Variants in PCNX3 observed in about 807,000 individuals in gnomAD.
The protein encoded by PCNX3 is pecanex 3.
PCNX3 carries 58 observed loss-of-function variants against 207.2 expected under a neutral mutation model. The ratio of observed to expected loss-of-function variants is 0.28; its 90% CI spans 0.23 to 0.35. The LOEUF is 0.35. PCNX3 is among the 10% of genes least tolerant of loss of function. The pLI is 1.00. For missense variants in PCNX3, 2,410 were observed against 2,774.4 expected (o/e 0.87, Z 2.95); for synonymous variants, 1,337 against 1,183.5 (o/e 1.13, Z -2.66).
Position 65,616,108 on chromosome 11 carries a change from G to C in PCNX3, c.-204G>C. Reference sequence around the variant, plus strand: ...CTGATGCAGCCCCACCCCCGCGTCCGGGCCTTGCACCACTGACTGTCCCGG... The same window carrying C: ...CTGATGCAGCCCCACCCCCGCGTCCCGGCCTTGCACCACTGACTGTCCCGG... On this transcript the variant is annotated 5_prime_UTR_variant, in exon 1 of 35. Transcript: ENST00000355703. 5.6e-6 allele frequency: 2 copies of C among 356,320 alleles called. No individual in the cohort carries two copies. Among genetic ancestry groups the C allele is most frequent in the Non-Finnish European group, 1.0e-5 (2 of 200,754 alleles). 22.1% of individuals were successfully genotyped at this position (356,320 alleles called of 1,614,324 possible). A position where few individuals can be genotyped will look rare whatever the true frequency, so the allele number is the denominator to read the frequency against.
intron 10 of PCNX3, 117 bp from the exon 11 acceptor site, chr11:65,622,128 A>G: frequency 7.0e-7 from 1 of 1,437,966 alleles, no homozygotes; most frequent in Non-Finnish European, 9.2e-7. Context: ...GGTCAACCAG[A>G]CCGGTGTGCT....
rs1218509590 is a variant in PCNX3, at chr11:65,629,626, C to T, written c.4107C>T (p.Gly1369=). 1.9e-6 allele frequency: 3 copies of T among 1,608,944 alleles called. No individual in the cohort carries two copies. Among genetic ancestry groups the T allele is most frequent in the Non-Finnish European group, 2.5e-6 (3 of 1,177,688 alleles). The change falls in exon 26 of 35, where the codon GGC becomes GGT. Residue 1369 remains glycine (G), a synonymous_variant. Coordinates refer to ENST00000355703, the MANE Select transcript of PCNX3 (RefSeq NM_032223.4). ...DLVLGRWGNY[G]PGDCFVLASD... ...TGCTGGGCCGCTGGGGCAACTATGG[C>T]CCTGGTGACTGCTTCGTCCTGGCCT...
rs755066909 is a variant in PCNX3 at position 65,625,525 on chromosome 11, G to T, written c.3135+15G>T. 6.3e-7 allele frequency: 1 copy of T among 1,593,650 alleles called. No individual in the cohort carries two copies. The highest frequency in any genetic ancestry group is 2.2e-5 in the East Asian group (1 of 44,524). On this transcript the variant is annotated intron_variant, in intron 18 of 34. Coordinates refer to ENST00000355703, the MANE Select transcript of PCNX3 (RefSeq NM_032223.4). The surrounding 1 kb of genome is among the most constrained non-coding windows in gnomAD (Gnocchi z 5.6). ...GCCAGTCGGTGGTGAGGGGGCGGGG[G>T]GTGGGGGTCTGTGGGGAGGTGGTGA...
At position 65,625,316 on chromosome 11, in the gene PCNX3, C is replaced by A; in HGVS notation, c.3029+36C>A. On this transcript the variant is annotated intron_variant, in intron 17 of 34. Coordinates refer to ENST00000355703, the MANE Select transcript of PCNX3 (RefSeq NM_032223.4). The surrounding 1 kb of genome is among the most constrained non-coding windows in gnomAD (Gnocchi z 5.6). The stretch of plus-strand genomic sequence containing the variant: ...TCCGGGTCGTGTGTTTGTGTCTGCC[C>A]AGTAGGGGTTTGTGGTCTGTGCATG... 6.3e-7 allele frequency: 1 copy of A among 1,594,900 alleles called. No homozygotes were observed. The highest frequency in any genetic ancestry group is 8.5e-7 in the Non-Finnish European group (1 of 1,170,072).
intron 22 of PCNX3, 23 bp from the exon 23 acceptor site, chr11:65,628,569 TTTC>T (rs765690678): frequency 1.2e-6 from 2 of 1,607,596 alleles, no homozygotes; most frequent in Non-Finnish European, 1.7e-6. Flanking sequence ...GCATGTCTTT[TTTC>T]TTCTCCCTGT....
intron 4 of PCNX3, 35 bp downstream of exon 4, chr11:65,617,544 CTGTGG>C (rs1216813385): frequency 6.2e-7 from 1 of 1,613,812 alleles, no homozygotes; most frequent in Admixed American, 1.7e-5. Context: ...GAGCATAGTG[CTGTGG>C]AACAGGGGCT....
At position 65,620,874 on chromosome 11, in the gene PCNX3, C is replaced by T. The variant is rs1855055806; in HGVS notation, c.2143C>T (p.Pro715Ser). 2.5e-6 allele frequency: 4 copies of T among 1,584,566 alleles called. No individual in the cohort carries two copies. The highest frequency in any genetic ancestry group is 2.6e-6 in the Non-Finnish European group (3 of 1,166,098). ...CTCCAGCTTCCACTCGGCTGATGTC[C>T]CTGAGGCTACAGGCGGCCTGAACCT... Reference protein sequence around the residue: ...HSSSFHSADVPEATGGLNLLQ... With the variant: ...HSSSFHSADVSEATGGLNLLQ... The change falls in exon 10 of 35, where the codon CCT (proline) becomes TCT (serine). Residue 715 changes from proline (P) to serine (S), a missense_variant. Coordinates refer to ENST00000355703, the MANE Select transcript of PCNX3 (RefSeq NM_032223.4).
chr11:65,637,190 A>G lies in PCNX3; in HGVS notation c.*212A>G. ...CCCCAGTCCAGGGCCTGGGCTCCCC[A>G]GATGGAGGCAGTCAGCCTCCCAGCC... On this transcript the variant is annotated 3_prime_UTR_variant, in exon 35 of 35. Coordinates refer to ENST00000355703, the MANE Select transcript of PCNX3 (RefSeq NM_032223.4). The G allele has an allele frequency of 1.7e-6, 1 of 591,064 alleles. No individual in the cohort carries two copies. Among genetic ancestry groups the G allele is most frequent in the Middle Eastern group, 4.7e-4 (1 of 2,142 alleles). The allele number at this position is 591,064 out of a possible 1,614,324, so 36.6% of individuals were successfully genotyped here.
rs1590864023 is a variant in PCNX3, at chr11:65,616,223, G to A, written c.-89G>A. On this transcript the variant is annotated 5_prime_UTR_variant, in exon 1 of 35. Transcript: ENST00000355703. ...TGGCGTGAGCGTGAGGCCGGGCCCC[G>A]GGGCCCTCAGGCGCCAGACGGGGCA... 4 of 1,114,666 alleles carry A rather than the reference G, an allele frequency of 3.6e-6. No individual in the cohort carries two copies. Among genetic ancestry groups the A allele is most frequent in the South Asian group, 1.8e-5 (1 of 54,458 alleles). 69.0% of individuals were successfully genotyped at this position (1,114,666 alleles called of 1,614,324 possible).
chr11:65,618,018 C>T lies in PCNX3; in HGVS notation c.656C>T (p.Pro219Leu), dbSNP rs367780582. The change falls in exon 6 of 35, where the codon CCC (proline) becomes CTC (leucine). Residue 219 changes from proline to leucine, a missense_variant. By Grantham distance (98) the Pro-to-Leu change is moderately conservative (BLOSUM62 -3). This residue lies in a region of PCNX3 where 1,104 missense variants were observed against 970.3 expected (regional missense o/e 1.14). Transcript: ENST00000355703. ...LASTDSSEPS[P>L]LAGDGAPWSG... ...AGTACAGACTCTTCAGAGCCTTCTCCCCTGGCTGGAGATGGAGCGCCCTGG... is the reference window on the plus strand; with the variant it reads ...AGTACAGACTCTTCAGAGCCTTCTCTCCTGGCTGGAGATGGAGCGCCCTGG... The T allele has an allele frequency of 5.6e-6, 9 of 1,609,776 alleles. No individual in the cohort carries two copies. Among genetic ancestry groups the T allele is most frequent in the South Asian group, 2.2e-5 (2 of 90,490 alleles).
intron 11 of PCNX3, among the ~76,000 whole-genome samples, 163 bp from the exon 12 acceptor site, chr11:65,623,328 G>T (rs1024992332): frequency 1.3e-5 from 2 of 152,206 alleles, no homozygotes; most frequent in African/African-American, 2.4e-5. Flanking sequence ...GGTGCTGCCG[G>T]GCCGCGTCGT....
At position 65,618,915 on chromosome 11, in the gene PCNX3, T is replaced by A. The variant is rs759804910; in HGVS notation, c.1553T>A (p.Leu518Gln). The change falls in exon 6 of 35, where the codon CTG becomes CAG. Residue 518 changes from leucine (L) to glutamine (Q), a missense_variant. By Grantham distance (113) the Leu-to-Gln change is moderately radical. Coordinates refer to ENST00000355703, the MANE Select transcript of PCNX3 (RefSeq NM_032223.4). ...GGGGGTGATGTTCTGAGGCCCCCAC[T>A]GGCTGGCTGCAAGGCAGAGCTGGAG... ...GAGGDVLRPP[L>Q]AGCKAELEAQ... The A allele has an allele frequency of 1.2e-6, 2 of 1,608,488 alleles. No individual in the cohort carries two copies. Among genetic ancestry groups the A allele is most frequent in the African/African-American group, 1.3e-5 (1 of 74,832 alleles).
At position 65,618,036 on chromosome 11, in the gene PCNX3, C is replaced by A; in HGVS notation, c.674C>A (p.Ala225Glu). 6.2e-7 allele frequency: 1 copy of A among 1,607,144 alleles called. No homozygotes were observed. Among genetic ancestry groups the A allele is most frequent in the Non-Finnish European group, 8.5e-7 (1 of 1,177,284 alleles). Reference protein sequence around the residue: ...SEPSPLAGDGAPWSGSSMADT... With the variant: ...SEPSPLAGDGEPWSGSSMADT... ...CCTTCTCCCCTGGCTGGAGATGGAG[C>A]GCCCTGGAGTGGGAGCAGCATGGCT... The change falls in exon 6 of 35, where the codon GCG (alanine) becomes GAG (glutamate). Residue 225 changes from alanine to glutamate, a missense_variant. By Grantham distance (107) the Ala-to-Glu change is moderately radical. Around this residue, in one of 8 missense-constraint regions of PCNX3, gnomAD observed 1,104 missense variants for 970.3 expected, o/e 1.14. Coordinates refer to ENST00000355703, the MANE Select transcript of PCNX3 (RefSeq NM_032223.4).
intron 21 of PCNX3, among the ~76,000 whole-genome samples, 154 bp downstream of exon 21, chr11:65,627,202 T>C (rs1855437334): frequency 6.6e-6 from 1 of 152,130 alleles, no homozygotes; most frequent in Non-Finnish European, 1.5e-5. Context: ...CAGGAAGTGG[T>C]TGCTTCTTCA....
chr11:65,616,360 C>T lies in PCNX3; in HGVS notation c.49C>T (p.Leu17Phe). Residue 17 changes from leucine (L) to phenylalanine (F), a missense_variant, in exon 1 of 35, where the codon CTC (leucine) becomes TTC (phenylalanine). By Grantham distance (22) the Leu-to-Phe change is conservative. Around this residue, in one of 8 missense-constraint regions of PCNX3, gnomAD observed 1,104 missense variants for 970.3 expected, o/e 1.14. Coordinates refer to ENST00000355703, the MANE Select transcript of PCNX3 (RefSeq NM_032223.4). ...QILRQGVWAS[L>F]TGGWFFDPHQ... is the part of the protein sequence containing the mutation. Reference sequence around the variant, plus strand: ...CCTGCGCCAGGGGGTGTGGGCCTCGCTCACCGGCGGTTGGTTCTTCGACCC... The same window carrying T: ...CCTGCGCCAGGGGGTGTGGGCCTCGTTCACCGGCGGTTGGTTCTTCGACCC... 1.2e-6 allele frequency: 2 copies of T among 1,609,074 alleles called. No homozygotes were observed. Among genetic ancestry groups the T allele is most frequent in the Non-Finnish European group, 1.7e-6 (2 of 1,179,162 alleles).
At chr11:65,617,905 C>A in intron 5 of PCNX3, 35 bp from the exon 6 acceptor site, 2 of 1,543,622 alleles carry the variant, frequency 1.3e-6, no homozygotes, top group African/African-American at 1.4e-5. Context: ...GCAGAAAACC[C>A]TTTTTTCATT....
At chr11:65,628,178 A>G (rs1855479535) in intron 22 of PCNX3, among the ~76,000 whole-genome samples, 1 of 151,988 alleles carries the variant, frequency 6.6e-6, no homozygotes, top group South Asian at 2.1e-4. Flanking sequence ...GGTCATCCAC[A>G]CTGCGTACCC....
rs539289747 is a variant in PCNX3 at position 65,619,607 on chromosome 11, C to T, written c.1776C>T (p.His592=). The change falls in exon 7 of 35, where the codon CAC becomes CAT. Residue 592 remains histidine, a synonymous_variant. Coordinates refer to ENST00000355703, the MANE Select transcript of PCNX3 (RefSeq NM_032223.4). Reference sequence around the variant, plus strand: ...GGACCCAGGCCATTCGGAGACGCCACAATGCAGGCAGCAACCCCACCCCTC... The same window carrying T: ...GGACCCAGGCCATTCGGAGACGCCATAATGCAGGCAGCAACCCCACCCCTC... ...VRRTQAIRRR[H]NAGSNPTPPA... The T allele has an allele frequency of 3.1e-6, 5 of 1,606,072 alleles. No individual in the cohort carries two copies. In the South Asian group the frequency reaches 5.5e-5, roughly 18 times the overall value.
At chr11:65,631,361 A>G (rs1340907456) in intron 27 of PCNX3, among the ~76,000 whole-genome samples, 1 of 152,168 alleles carries the variant, frequency 6.6e-6, no homozygotes, top group East Asian at 1.9e-4. Context: ...GAGATGGCAG[A>G]AATGTTGAGG....
Sources: gnomAD v4.1 joint callset for allele counts (sites outside exome capture counted in the v4.1 genomes callset) on GRCh38, gnomAD v4.1.1 for gene constraint, gnomAD v4.1.1 regional missense constraint, Gnocchi (gnomAD v3.1) non-coding constraint, MANE v1.5 for transcripts, NCBI Gene and HGNC (gene_info 2026-07-23, HGNC 2026-07-21) for gene names.